ATRNL1: variants seen among roughly 807,000 people sequenced by gnomAD.
The protein encoded by ATRNL1 is attractin like 1.
In ATRNL1, 95 loss-of-function variants were observed where a neutral mutation model predicts 182.7. That is an observed-to-expected ratio of 0.52 (90% CI 0.44 to 0.62). The LOEUF is 0.62. Among genes scored for constraint, ATRNL1 ranks in the 20% least tolerant of loss-of-function variants. The pLI is 0.00. For synonymous variants in ATRNL1, 576 were observed against 568.3 expected, an observed-to-expected ratio of 1.01 and a Z score of -0.19; for missense variants, 1,471 against 1,679.5, an observed-to-expected ratio of 0.88 and a Z score of 2.17.
At chr10:115,182,321 G>T (rs566065062) in intron 8 of ATRNL1, among the ~76,000 whole-genome samples, 17 of 151,418 alleles carry the variant, frequency 1.1e-4, no homozygotes, top group Non-Finnish European at 2.4e-4. Flanking sequence ...AGGTAAGAAA[G>T]ATGAGAATTA....
intron 28 of ATRNL1, among the ~76,000 whole-genome samples, chr10:115,913,802 T>C (rs1952759073): frequency 6.6e-6 from 1 of 152,298 alleles, no homozygotes; most frequent in South Asian, 2.1e-4. Flanking sequence ...AGACTGCTCA[T>C]GGATGCCCCC....
intron 26 of ATRNL1, among the ~76,000 whole-genome samples, chr10:115,655,327 TAA>T (rs1555035523): frequency 6.6e-6 from 1 of 152,214 alleles, no homozygotes; most frequent in Admixed American, 6.5e-5. Context: ...ATAGTACATA[TAA>T]AGAGTGGATT....
chr10:115,471,914 A>T (rs2134575376), intron 24 of ATRNL1, among the ~76,000 whole-genome samples: 1 of 151,036 alleles, frequency 6.6e-6, no homozygotes, highest in East Asian at 1.9e-4. Flanking sequence ...TATCCAAAAA[A>T]ATCATTGATA....
At chr10:115,648,705 G>A (rs781892730) in intron 26 of ATRNL1, among the ~76,000 whole-genome samples, 17 of 152,124 alleles carry the variant, frequency 1.1e-4, no homozygotes, top group African/African-American at 3.9e-4. Flanking sequence ...AATGGGAACC[G>A]TTGATAAATA....
chr10:115,821,715 A>T (rs1214452796), intron 27 of ATRNL1, among the ~76,000 whole-genome samples: 3 of 152,248 alleles, frequency 2.0e-5, no homozygotes, highest in African/African-American at 7.2e-5. Flanking sequence ...AAAGGGATCA[A>T]TGCAACAAGA....
At chr10:115,492,929 C>T (rs1849378011) in intron 24 of ATRNL1, among the ~76,000 whole-genome samples, 2 of 152,206 alleles carry the variant, frequency 1.3e-5, no homozygotes, top group East Asian at 1.9e-4. Flanking sequence ...AGGCGTGAGT[C>T]ACCGCGCCTG....
chr10:115,687,444 T>A (rs1039074545), intron 26 of ATRNL1, among the ~76,000 whole-genome samples: 5 of 152,118 alleles, frequency 3.3e-5, no homozygotes, highest in Non-Finnish European at 4.4e-5. Context: ...AATCGCAAGA[T>A]TGCCCTCTTT....
intron 26 of ATRNL1, among the ~76,000 whole-genome samples, chr10:115,574,735 T>C (rs1854610160): frequency 6.6e-6 from 1 of 152,202 alleles, no homozygotes; most frequent in Non-Finnish European, 1.5e-5. Context: ...CCAAAGCCAG[T>C]TAAGGTTTGC....
At chr10:115,591,077 A>T (rs2804201) in intron 26 of ATRNL1, among the ~76,000 whole-genome samples, 72,447 of 152,110 alleles carry the variant, frequency 0.48, 18,733 homozygotes, top group East Asian at 0.84. Context: ...CCACTGTACT[A>T]GCACGTACAA....
At chr10:115,577,826 A>C (rs749963759) in intron 26 of ATRNL1, among the ~76,000 whole-genome samples, 8 of 151,702 alleles carry the variant, frequency 5.3e-5, no homozygotes, top group Non-Finnish European at 1.0e-4. Context: ...CTTACATTGT[A>C]CCATATATTA....
intron 27 of ATRNL1, among the ~76,000 whole-genome samples, chr10:115,769,541 C>T (rs923625994): frequency 5.9e-5 from 9 of 152,128 alleles, no homozygotes; most frequent in East Asian, 1.9e-4. Context: ...ATGCATTTAC[C>T]ATGGTGCCTG....
chr10:115,219,231 CA>C (rs78580406), intron 9 of ATRNL1, among the ~76,000 whole-genome samples: 1,945 of 60,822 alleles, frequency 0.032, 22 homozygotes, highest in African/African-American at 0.088. Context: ...GACTCCATCT[CA>C]AAAAAAAAAA....
At position 115,300,183 on chromosome 10, in the gene ATRNL1, G is replaced by A. The variant is rs782108252; in HGVS notation, c.2565G>A (p.Val855=). 1.7e-5 allele frequency: 27 copies of A among 1,613,906 alleles called. No individual in the cohort carries two copies. The highest frequency in any genetic ancestry group is 2.3e-5 in the Non-Finnish European group (27 of 1,179,954). ...GTGCATATCTGGAAAGGGCTGCAGTGGCAGGCTTAAAAGCTAATCCTTGTA... is the reference window on the plus strand; with the variant it reads ...GTGCATATCTGGAAAGGGCTGCAGTAGCAGGCTTAAAAGCTAATCCTTGTA... ...GFCAYLERAA[V]AGLKANPCTS... is the part of the protein sequence containing the mutation. Residue 855 remains valine, a synonymous_variant, in exon 16 of 29, where the codon GTG becomes GTA. Transcript: ENST00000355044.
At chr10:115,493,968 T>C (rs1353794653) in intron 24 of ATRNL1, among the ~76,000 whole-genome samples, 1 of 152,202 alleles carries the variant, frequency 6.6e-6, no homozygotes, top group Non-Finnish European at 1.5e-5. Flanking sequence ...GGTTATGTTT[T>C]TTTTGGTTGT....
rs1554862328 is a variant in ATRNL1 at position 115,093,838 on chromosome 10, G to A, written c.88G>A (p.Gly30Arg). Residue 30 changes from glycine to arginine, a missense_variant, in exon 1 of 29, where the codon GGG becomes AGG. Physicochemically the swap from Gly to Arg is moderately radical, Grantham distance 125. Around this residue, in one of 3 missense-constraint regions of ATRNL1, gnomAD observed 1,031 missense variants for 1,156.0 expected, o/e 0.89. Transcript: ENST00000355044. The surrounding 1 kb of genome is among the most constrained non-coding windows in gnomAD (Gnocchi z 6.1). ...WRARPAGGGG[G>R]GASSWLLDGN... The stretch of plus-strand genomic sequence containing the variant: ...GGCTCGGCCGGCGGGCGGCGGCGGC[G>A]GGGGCGCCTCCTCCTGGCTGCTGGA... 2 of 1,526,012 alleles carry A rather than the reference G, an allele frequency of 1.3e-6. No homozygotes were observed. The highest frequency in any genetic ancestry group is 1.2e-5 in the South Asian group (1 of 80,964). 94.5% of individuals were successfully genotyped at this position (1,526,012 alleles called of 1,614,324 possible). A position where few individuals can be genotyped will look rare whatever the true frequency, so the allele number is the denominator to read the frequency against.
At chr10:115,240,452 C>T (rs1459673829) in intron 9 of ATRNL1, among the ~76,000 whole-genome samples, 2 of 151,818 alleles carry the variant, frequency 1.3e-5, no homozygotes, top group Non-Finnish European at 2.9e-5. Context: ...AGGGTTTTGC[C>T]CTGGATCAAG....
intron 18 of ATRNL1, among the ~76,000 whole-genome samples, chr10:115,318,234 G>A (rs1037594318): frequency 6.6e-6 from 1 of 152,102 alleles, no homozygotes; most frequent in South Asian, 2.1e-4. Flanking sequence ...TGCATCCCAG[G>A]GATGAAGTTG....
At chr10:115,421,933 C>G (rs1474045423) in intron 20 of ATRNL1, among the ~76,000 whole-genome samples, 1 of 152,086 alleles carries the variant, frequency 6.6e-6, no homozygotes, top group Admixed American at 6.6e-5. Flanking sequence ...CTGACAAAAA[C>G]AAGTAGTGAT....
chr10:115,784,202 T>C (rs950373474), intron 27 of ATRNL1, among the ~76,000 whole-genome samples: 23 of 152,176 alleles, frequency 1.5e-4, no homozygotes, highest in Admixed American at 1.5e-3. Flanking sequence ...CTGTAATCGC[T>C]ACACACAGGG....
Sources: allele counts gnomAD v4.1 joint callset (sites outside exome capture counted in the v4.1 genomes callset), GRCh38; gene constraint gnomAD v4.1.1; regional missense constraint gnomAD v4.1.1; non-coding constraint Gnocchi (gnomAD v3.1); transcripts MANE v1.5; gene names NCBI Gene and HGNC (gene_info 2026-07-23, HGNC 2026-07-21).